Variants in IL5RA observed in about 807,000 individuals in gnomAD.
IL5RA encodes interleukin 5 receptor subunit alpha.
IL5RA carries 49 observed loss-of-function variants against 50.0 expected under a neutral mutation model. The ratio of observed to expected loss-of-function variants is 0.98; its 90% CI spans 0.78 to 1.24. The LOEUF (loss-of-function observed/expected upper bound fraction) is 1.24, where lower values mean the gene tolerates loss of function less well. IL5RA is among the 50% of genes most tolerant of loss of function. The pLI is 0.00. For missense variants in IL5RA, 600 were observed against 500.4 expected, an observed-to-expected ratio of 1.20 and a Z score of -1.90; for synonymous variants, 202 against 174.0, an observed-to-expected ratio of 1.16 and a Z score of -1.26.
intron 9 of IL5RA, among the ~76,000 whole-genome samples, chr3:3,081,761 T>C (rs1702670899): frequency 6.6e-6 from 1 of 152,164 alleles, no homozygotes; most frequent in South Asian, 2.1e-4. Context: ...TTTATTTCAT[T>C]AAATGAAAAA....
intron 9 of IL5RA, among the ~76,000 whole-genome samples, chr3:3,084,603 C>G (rs1702786169): frequency 6.6e-6 from 1 of 152,214 alleles, no homozygotes; most frequent in African/African-American, 2.4e-5. Flanking sequence ...CTTGCACAGC[C>G]CCCAGCCCCT....
intron 11 of IL5RA, among the ~76,000 whole-genome samples, chr3:3,071,888 C>A (rs1702312488): frequency 1.3e-5 from 2 of 152,162 alleles, no homozygotes; most frequent in South Asian, 4.1e-4. Context: ...CTGTGACCGG[C>A]CCTTCACTGA....
intron 8 of IL5RA, among the ~76,000 whole-genome samples, chr3:3,093,378 C>T (rs464942): frequency 0.02 from 3,105 of 152,274 alleles, 95 homozygotes; most frequent in African/African-American, 0.07. Flanking sequence ...ATTATGACTG[C>T]AATTTGGAAG....
At chr3:3,080,558 ATCCCCGTTT>A (rs1702628316) in intron 9 of IL5RA, among the ~76,000 whole-genome samples, 8 of 152,214 alleles carry the variant, frequency 5.3e-5, no homozygotes, top group Admixed American at 5.2e-4. Flanking sequence ...TATTGTTTGT[ATCCCCGTTT>A]CTGATAAGGC....
intron 9 of IL5RA, among the ~76,000 whole-genome samples, chr3:3,081,554 G>A (rs1702665094): frequency 6.6e-6 from 1 of 152,208 alleles, no homozygotes; most frequent in Non-Finnish European, 1.5e-5. Flanking sequence ...GGGTCACACT[G>A]TCAGTCACAT....
chr3:3,094,011 A>G (rs562118443), intron 8 of IL5RA, among the ~76,000 whole-genome samples: 1 of 152,368 alleles, frequency 6.6e-6, no homozygotes, highest in African/African-American at 2.4e-5. Context: ...TAAACACATA[A>G]TAAAGCTTGA....
rs1209026625 is a variant in IL5RA, at chr3:3,069,690, A to G, written c.*535T>C. The G allele has an allele frequency of 6.6e-6, 1 of 151,694 alleles. No individual in the cohort carries two copies. The highest frequency in any genetic ancestry group is 2.5e-5 in the African/African-American group (1 of 40,552). The allele number at this position is 151,694 out of a possible 1,614,324, so 9.4% of individuals were successfully genotyped here. Reference sequence around the variant, plus strand: ...ACACACATACACAATCTACCTAGAAAAAGATCATTCTAGAATGTAGGGGGG... The same window carrying G: ...ACACACATACACAATCTACCTAGAAGAAGATCATTCTAGAATGTAGGGGGG... On this transcript the variant is annotated 3_prime_UTR_variant, in exon 12 of 12. Transcript: ENST00000446632.
chr3:3,093,057 T>C (rs1703199884), intron 8 of IL5RA, among the ~76,000 whole-genome samples: 1 of 152,210 alleles, frequency 6.6e-6, no homozygotes, highest in African/African-American at 2.4e-5. Context: ...TCTGCAAATG[T>C]AGACATATTT....
chr3:3,076,146 G>A (rs931173969), intron 10 of IL5RA, among the ~76,000 whole-genome samples: 1 of 152,154 alleles, frequency 6.6e-6, no homozygotes, highest in Non-Finnish European at 1.5e-5. Flanking sequence ...AGGCATTGTG[G>A]TGATTTTAGC....
At chr3:3,085,438 A>T (rs17880984) in intron 9 of IL5RA, among the ~76,000 whole-genome samples, 1,930 of 152,280 alleles carry the variant, frequency 0.013, 26 homozygotes, top group Middle Eastern at 0.037. Flanking sequence ...TTAACAAGAA[A>T]AAGCTGCTGA....
intron 9 of IL5RA, 99 bp from the exon 10 acceptor site, chr3:3,076,726 T>A (rs1702499040): frequency 4.3e-6 from 3 of 705,346 alleles, no homozygotes; most frequent in Non-Finnish European, 4.8e-6. Context: ...CAGCTCAGGT[T>A]TGAGTTGCCG....
Position 3,086,374 on chromosome 3 carries a change from G to A in IL5RA, c.994+5850C>T, listed in dbSNP as rs116795814. ...CCAGGGTCAGGAAACAAAAGGTTTC[G>A]ATAAACAGGAGACAGCAAAGATAAC... On this transcript the variant is annotated intron_variant, in intron 9 of 11. Coordinates refer to ENST00000446632, the MANE Select transcript of IL5RA (RefSeq NM_175726.4). 5.5e-3 allele frequency among the ~76,000 whole-genome samples: 838 copies of A among 152,246 alleles called. 6 individuals are homozygous for A. Among genetic ancestry groups the A allele is most frequent in the African/African-American group, 0.019 (780 of 41,536 alleles).
intron 9 of IL5RA, among the ~76,000 whole-genome samples, chr3:3,086,548 C>T (rs1702869987): frequency 1.3e-5 from 2 of 151,340 alleles, no homozygotes; most frequent in African/African-American, 4.9e-5. Context: ...CTGCTACTTC[C>T]ATAAAAAAAA....
intron 9 of IL5RA, among the ~76,000 whole-genome samples, chr3:3,085,093 C>T (rs372270931): frequency 2.0e-5 from 3 of 152,230 alleles, no homozygotes; most frequent in Non-Finnish European, 2.9e-5. Flanking sequence ...GTCCGCCCCC[C>T]CTGGTGGGAA....
chr3:3,070,686 G>A (rs1451507858), intron 11 of IL5RA, among the ~76,000 whole-genome samples: 2 of 143,736 alleles, frequency 1.4e-5, no homozygotes, highest in African/African-American at 5.2e-5. Context: ...AGGTTCAAGT[G>A]ATTCTCCTGC....
chr3:3,091,098 A>G (rs879630838), intron 9 of IL5RA, among the ~76,000 whole-genome samples: 2 of 152,218 alleles, frequency 1.3e-5, no homozygotes, highest in Non-Finnish European at 2.9e-5. Flanking sequence ...GAGCTAACAC[A>G]GGAGTCCCGG....
chr3:3,099,616 G>C (rs1703542005), intron 5 of IL5RA, among the ~76,000 whole-genome samples: 1 of 151,568 alleles, frequency 6.6e-6, no homozygotes, highest in Non-Finnish European at 1.5e-5. Flanking sequence ...GCAACAGAGT[G>C]AGACCCTGTC....
In IL5RA at chr3:3,095,281, A is replaced by G; in HGVS notation, c.855+18T>C. ...ACAAATGTCTGTTATCAAATATTGG[A>G]ATAATCTGAGTAATTACCTGCAAAT... On this transcript the variant is annotated intron_variant, in intron 8 of 11. Transcript: ENST00000446632. 3 of 1,544,332 alleles carry G rather than the reference A, an allele frequency of 1.9e-6. No homozygotes were observed. Among genetic ancestry groups the G allele is most frequent in the Non-Finnish European group, 2.7e-6 (3 of 1,130,448 alleles).
chr3:3,070,748 A>C (rs2125946886), intron 11 of IL5RA, among the ~76,000 whole-genome samples: 1 of 151,706 alleles, frequency 6.6e-6, no homozygotes, highest in South Asian at 2.1e-4. Context: ...ATGCCCGGCT[A>C]ATTTTTGTAT....
Sources: gnomAD v4.1 joint callset for allele counts (sites outside exome capture counted in the v4.1 genomes callset) on GRCh38, gnomAD v4.1.1 for gene constraint, MANE v1.5 for transcripts, NCBI Gene and HGNC (gene_info 2026-07-23, HGNC 2026-07-21) for gene names.